The following CTNNA3 variants were observed in gnomAD, a reference collection of about 807,000 sequenced individuals.
CTNNA3 encodes the protein catenin alpha 3, also known as catenin alpha-3.
A neutral mutation model predicts 95.7 loss-of-function variants in CTNNA3; 76 were observed. The observed-to-expected ratio is 0.79, with a 90% CI of 0.66 to 0.96. The LOEUF is 0.96. Ranked by LOEUF, CTNNA3 falls within the 40% of genes least tolerant of loss-of-function variation. The probability of loss-of-function intolerance (pLI) is 0.00; values close to 1 mark genes in which losing one functional copy is unlikely to be tolerated. For synonymous variants in CTNNA3, 431 were observed against 374.4 expected (o/e 1.15, Z -1.74); for missense variants, 1,191 against 1,089.8 (o/e 1.09, Z -1.31).
chr10:66,155,314 C>T (rs1160858774), intron 13 of CTNNA3, among the ~76,000 whole-genome samples: 1 of 151,800 alleles, frequency 6.6e-6, no homozygotes, highest in East Asian at 1.9e-4. Flanking sequence ...GACTAAGACA[C>T]TTGGCGAGAG....
intron 7 of CTNNA3, among the ~76,000 whole-genome samples, chr10:67,171,104 G>A (rs951292628): frequency 1.3e-5 from 2 of 152,076 alleles, no homozygotes; most frequent in African/African-American, 4.8e-5. Context: ...TATTATTGTA[G>A]TTTGCATAAT....
chr10:66,256,291 G>A (rs1361934215), intron 13 of CTNNA3, among the ~76,000 whole-genome samples: 1 of 152,172 alleles, frequency 6.6e-6, no homozygotes, highest in Non-Finnish European at 1.5e-5. Context: ...CATTCTGGCT[G>A]TACACTTTCT....
chr10:66,360,769 T>TTCCTTCCTTTTC (rs1564896996), intron 12 of CTNNA3, among the ~76,000 whole-genome samples: 1 of 67,882 alleles, frequency 1.5e-5, no homozygotes, highest in Non-Finnish European at 2.9e-5. Context: ...CCTTCCTTCC[T>TTCCTTCCTTTTC]TTTCTTTCTT....
intron 14 of CTNNA3, among the ~76,000 whole-genome samples, chr10:66,093,631 C>A (rs997554665): frequency 6.6e-6 from 1 of 151,886 alleles, no homozygotes; most frequent in East Asian, 1.9e-4. Context: ...AATAAAATGG[C>A]GTAGTGAAGG....
intron 5 of CTNNA3, among the ~76,000 whole-genome samples, chr10:67,314,576 AG>A (rs1385041458): frequency 2.6e-5 from 4 of 152,214 alleles, no homozygotes; most frequent in African/African-American, 4.8e-5. Flanking sequence ...CCTGCTCTGA[AG>A]TCTTATTCCC....
chr10:66,375,472 C>T (rs750798792), intron 12 of CTNNA3, among the ~76,000 whole-genome samples: 1 of 151,992 alleles, frequency 6.6e-6, no homozygotes, highest in Non-Finnish European at 1.5e-5. Context: ...TTGAGTCATA[C>T]CTAGTATGTA....
intron 1 of CTNNA3, among the ~76,000 whole-genome samples, chr10:67,726,435 A>ATATAATATTATATATTATG (rs1375536684): frequency 1.3e-5 from 1 of 74,982 alleles, no homozygotes; most frequent in Admixed American, 2.5e-4. Context: ...ATTATATCAT[A>ATATAATATTATATATTATG]TATAATATAT....
intron 3 of CTNNA3, among the ~76,000 whole-genome samples, chr10:67,567,909 T>C (rs1460994915): frequency 2.0e-5 from 3 of 152,170 alleles, no homozygotes; most frequent in Non-Finnish European, 4.4e-5. Context: ...GGGGTTATGG[T>C]ATTTTGTATT....
intron 12 of CTNNA3, among the ~76,000 whole-genome samples, chr10:66,347,778 A>G (rs374842984): frequency 3.9e-5 from 6 of 152,280 alleles, no homozygotes; most frequent in African/African-American, 1.4e-4. Context: ...ATTACAGTAC[A>G]GTGAAACAAA....
intron 7 of CTNNA3, among the ~76,000 whole-genome samples, chr10:67,179,280 T>A (rs973583185): frequency 6.6e-6 from 1 of 151,982 alleles, no homozygotes; most frequent in East Asian, 1.9e-4. Flanking sequence ...GGAATCTTCA[T>A]AATCAATATA....
chr10:66,840,057 C>G (rs528233870), intron 7 of CTNNA3, among the ~76,000 whole-genome samples: 1 of 151,958 alleles, frequency 6.6e-6, no homozygotes, highest in East Asian at 1.9e-4. Context: ...AAACTAATCC[C>G]GAATAGGCCA....
Position 65,966,750 on chromosome 10 carries a change from A to T in CTNNA3, c.2266-4T>A, listed in dbSNP as rs764029243. On this transcript the variant is annotated splice_polypyrimidine_tract_variant and splice_region_variant and intron_variant, in intron 16 of 17. Transcript: ENST00000433211. ...GTTTACAAGATGGATCTGGGCACTA[A>T]ATATGAATCAAAGATAAAAATAGAT... 8 of 1,601,564 alleles carry T rather than the reference A, an allele frequency of 5.0e-6. No homozygotes were observed. Among genetic ancestry groups the T allele is most frequent in the Non-Finnish European group, 4.3e-6 (5 of 1,170,920 alleles).
chr10:67,514,734 T>G (rs78518536), intron 5 of CTNNA3, among the ~76,000 whole-genome samples: 5 of 151,148 alleles, frequency 3.3e-5, no homozygotes, highest in African/African-American at 1.2e-4. Context: ...TTTTTTTTTT[T>G]GCCATCTCTG....
At chr10:66,115,856 T>C (rs1415497416) in intron 13 of CTNNA3, among the ~76,000 whole-genome samples, 4 of 151,944 alleles carry the variant, frequency 2.6e-5, no homozygotes, top group East Asian at 3.9e-4. Context: ...AAAAAAAATA[T>C]GAAAGAAATT....
chr10:66,937,833 T>G (rs1453456267), intron 7 of CTNNA3, among the ~76,000 whole-genome samples: 1 of 152,172 alleles, frequency 6.6e-6, no homozygotes, highest in South Asian at 2.1e-4. Context: ...TTTTCCAGAA[T>G]AGATCAAATT....
chr10:67,373,783 G>A (rs536705787), intron 5 of CTNNA3, among the ~76,000 whole-genome samples: 2 of 152,234 alleles, frequency 1.3e-5, no homozygotes, highest in South Asian at 4.1e-4. Context: ...AGATACATAA[G>A]AAACACATAA....
intron 7 of CTNNA3, among the ~76,000 whole-genome samples, chr10:66,866,419 T>G (rs1252000377): frequency 6.6e-6 from 1 of 152,250 alleles, no homozygotes; most frequent in African/African-American, 2.4e-5. Context: ...GCTCAACATC[T>G]AGCTTTTTGG....
chr10:67,486,555 C>T (rs2133067902), intron 5 of CTNNA3, among the ~76,000 whole-genome samples: 1 of 152,146 alleles, frequency 6.6e-6, no homozygotes, highest in African/African-American at 2.4e-5. Context: ...AGTTTAACCT[C>T]TATGTGCCTC....
intron 5 of CTNNA3, among the ~76,000 whole-genome samples, chr10:67,482,134 C>T (rs1322290685): frequency 1.1e-4 from 16 of 151,152 alleles, no homozygotes; most frequent in African/African-American, 3.9e-4. Flanking sequence ...CAGTACCATG[C>T]TGTTTTGGTT....
Sources: allele counts gnomAD v4.1 joint callset (sites outside exome capture counted in the v4.1 genomes callset), GRCh38; gene constraint gnomAD v4.1.1; transcripts MANE v1.5; gene names NCBI Gene and HGNC (gene_info 2026-07-23, HGNC 2026-07-21).